Variants in VRTN observed in about 807,000 individuals in gnomAD.
VRTN encodes vertebrae development associated, also known as vertnin.
Under a neutral mutation model 18.2 loss-of-function variants are expected in VRTN, and 5 were observed. That is an observed-to-expected ratio of 0.27 (90% CI 0.14 to 0.58). The LOEUF (loss-of-function observed/expected upper bound fraction) is 0.58. VRTN is among the 20% of genes least tolerant of loss of function. The pLI is 0.91. For synonymous variants in VRTN, 381 were observed against 393.7 expected (o/e 0.97, Z 0.38); for missense variants, 741 against 939.4 (o/e 0.79, Z 2.76).
chr14:74,357,423 G>C lies in VRTN; in HGVS notation c.640G>C (p.Val214Leu). ...CATCCGGCCCCGCCGCTGCGACCACGTGCCCTCCACGCTGCACATCATGTG... is the reference window on the plus strand; with the variant it reads ...CATCCGGCCCCGCCGCTGCGACCACCTGCCCTCCACGCTGCACATCATGTG... ...RVIRPRRCDH[V>L]PSTLHIMWAG... Residue 214 changes from valine to leucine, a missense_variant, in exon 2 of 2, where the codon GTG (valine) becomes CTG (leucine). Physicochemically the swap from Val to Leu is conservative, Grantham distance 32 (BLOSUM62 1). This residue lies in a region of VRTN where 494 missense variants were observed against 546.5 expected (regional missense o/e 0.90). Coordinates refer to ENST00000256362, the MANE Select transcript of VRTN (RefSeq NM_018228.3). The surrounding 1 kb of genome is among the most constrained non-coding windows in gnomAD (Gnocchi z 7.8). 6.2e-7 allele frequency: 1 copy of C among 1,612,496 alleles called. No individual in the cohort carries two copies. Among genetic ancestry groups the C allele is most frequent in the Non-Finnish European group, 8.5e-7 (1 of 1,180,002 alleles).
At chr14:74,345,476 C>T (rs928692645), upstream of VRTN, among the ~76,000 whole-genome samples, 5 of 150,590 alleles carry the variant, frequency 3.3e-5, no homozygotes, top group South Asian at 2.1e-4. Flanking sequence ...CTCAGCCTCC[C>T]GAGTAGCTGG....
intron 1 of VRTN, among the ~76,000 whole-genome samples, chr14:74,354,754 G>A (rs1163659672): frequency 6.6e-6 from 1 of 151,998 alleles, no homozygotes; most frequent in Admixed American, 6.6e-5. Context: ...GCATGACTTT[G>A]TAACAGCACC....
chr14:74,317,338 C>G (rs1190782377), intron 1 of VRTN, among the ~76,000 whole-genome samples: 2 of 152,162 alleles, frequency 1.3e-5, no homozygotes, highest in African/African-American at 4.8e-5. Context: ...TCTAGCTTAT[C>G]TTACATACTT....
At chr14:74,321,658 C>A (rs952048853) in intron 1 of VRTN, among the ~76,000 whole-genome samples, 6 of 151,722 alleles carry the variant, frequency 4.0e-5, no homozygotes, top group Admixed American at 1.3e-4. Flanking sequence ...GCATGCGCCA[C>A]CATGCCCGCT....
upstream of VRTN, chr14:74,303,025 A>G (rs531635542): frequency 1.7e-6 from 2 of 1,164,184 alleles, no homozygotes; most frequent in African/African-American, 3.2e-5. Flanking sequence ...ATAGAGAGGA[A>G]GGTGCGGGAG....
chr14:74,310,865 A>AT (rs2085384093), intron 1 of VRTN, among the ~76,000 whole-genome samples: 1 of 151,492 alleles, frequency 6.6e-6, no homozygotes, highest in African/African-American at 2.4e-5. Flanking sequence ...TTTAAAAAAA[A>AT]TTTGGGGGGG....
intron 2 of VRTN, among the ~76,000 whole-genome samples, chr14:74,339,561 C>T (rs996109982): frequency 1.3e-5 from 2 of 152,140 alleles, no homozygotes. Context: ...TCTGTAATCT[C>T]AACACTTCAG....
In VRTN at chr14:74,340,229, C is replaced by T. The variant is rs573320450; in HGVS notation, c.-2+2345C>T. Among the ~76,000 whole-genome samples the T allele has an allele frequency of 2.4e-3, 367 of 151,604 alleles. 5 individuals carry two copies. The highest frequency in any genetic ancestry group is 8.5e-3 in the African/African-American group (353 of 41,322). On this transcript the variant is annotated intron_variant, in intron 2 of 2. Coordinates refer to the VRTN transcript ENST00000557177. ...CCAGGTTCAAGCGATTCTCCTACTT[C>T]AGCCTCCCTAGTAGCTGGGATTATA...
rs977405264 is a variant in VRTN at position 74,359,887 on chromosome 14, C to T, written c.*995C>T. 1 of 167,066 alleles carries T rather than the reference C, an allele frequency of 6.0e-6. No homozygotes were observed. Among genetic ancestry groups the T allele is most frequent in the Non-Finnish European group, 1.5e-5 (1 of 68,132 alleles). The allele number at this position is 167,066 out of a possible 1,614,324, so 10.3% of individuals were successfully genotyped here. A position where few individuals can be genotyped will look rare whatever the true frequency, so the allele number is the denominator to read the frequency against. ...TCCACCTTTCTGCTGAGCGTCTTCTCGGAGCTGGAGGCCCATCTTCAGTGA... is the reference window on the plus strand; with the variant it reads ...TCCACCTTTCTGCTGAGCGTCTTCTTGGAGCTGGAGGCCCATCTTCAGTGA... On this transcript the variant is annotated 3_prime_UTR_variant, in exon 2 of 2. Transcript: ENST00000256362.
intron 1 of VRTN, among the ~76,000 whole-genome samples, chr14:74,327,637 C>T (rs1367894556): frequency 6.6e-6 from 1 of 152,320 alleles, no homozygotes; most frequent in East Asian, 1.9e-4. Flanking sequence ...GCGATTCCTC[C>T]TTCCTCTCTT....
At chr14:74,341,145 G>A (rs1185028904) in intron 2 of VRTN, among the ~76,000 whole-genome samples, 1 of 152,202 alleles carries the variant, frequency 6.6e-6, no homozygotes, top group Non-Finnish European at 1.5e-5. Flanking sequence ...GTAGGGAAGA[G>A]AATAACTGAA....
At chr14:74,344,743 A>AAAAAAAAAAAAAAAAG (rs1425106645), upstream of VRTN, among the ~76,000 whole-genome samples, 15 of 146,512 alleles carry the variant, frequency 1.0e-4, no homozygotes, top group African/African-American at 4.1e-4. Flanking sequence ...TAAAAAAAAA[A>AAAAAAAAAAAAAAAAG]AAAATGAAAA....
At position 74,343,373 on chromosome 14, in the gene VRTN, G is replaced by A. The variant is rs375608090; in HGVS notation, c.-2+5489G>A. 1.4e-3 allele frequency among the ~76,000 whole-genome samples: 219 copies of A among 152,190 alleles called. 8 individuals carry two copies. The South Asian group carries it at 0.044, about 30-fold the overall frequency. On this transcript the variant is annotated intron_variant, in intron 2 of 2. Transcript: ENST00000557177. ...AACTCCTGACCTTGGTGATCCATCC[G>A]CCTCAGCCTCCCAAAGGGCTGGGAT...
rs760770517 is a variant in VRTN at position 74,356,774 on chromosome 14, C to G, written c.-1-9C>G. The G allele has an allele frequency of 1.9e-6, 3 of 1,575,184 alleles. No individual in the cohort carries two copies. The East Asian group carries it at 6.7e-5, about 35-fold the overall frequency. ...CTGACTACTGCCCCTTTATCTTTTG[C>G]CCTGGCAGGATGACTTCTCGGAACC... On this transcript the variant is annotated splice_polypyrimidine_tract_variant and intron_variant, in intron 1 of 1. Transcript: ENST00000256362.
chr14:74,307,330 A>T (rs1426521699), intron 1 of VRTN, among the ~76,000 whole-genome samples: 1 of 151,808 alleles, frequency 6.6e-6, no homozygotes, highest in Non-Finnish European at 1.5e-5. Context: ...GAGTTTCACC[A>T]TGTTGGCTAG....
rs765776854 is a variant in VRTN, at chr14:74,357,859, C to T, written c.1076C>T (p.Thr359Ile). 11 of 1,613,496 alleles carry T rather than the reference C, an allele frequency of 6.8e-6. No individual in the cohort carries two copies. In the South Asian group the frequency reaches 1.2e-4, roughly 18 times the overall value. Residue 359 changes from threonine (T) to isoleucine (I), a missense_variant, in exon 2 of 2, where the codon ACC (threonine) becomes ATC (isoleucine). This residue lies in a region of VRTN where 494 missense variants were observed against 546.5 expected (regional missense o/e 0.90). Coordinates refer to ENST00000256362, the MANE Select transcript of VRTN (RefSeq NM_018228.3). This position sits in a 1 kb window ranked among gnomAD's most constrained non-coding sequence, Gnocchi z 7.8. ...AAGCATGAGCTGCTGGGCTCTGGCA[C>T]CTGCCCGGCCTTGCCCCCCAGGGAG... ...AWKHELLGSGTCPALPPREVL... is the reference protein window; with the variant it reads ...AWKHELLGSGICPALPPREVL...
Position 74,358,802 on chromosome 14 carries a change from G to A in VRTN, c.2019G>A (p.Glu673=). 9.9e-6 allele frequency: 16 copies of A among 1,614,224 alleles called. No individual in the cohort carries two copies. Among genetic ancestry groups the A allele is most frequent in the Non-Finnish European group, 1.4e-5 (16 of 1,180,026 alleles). ...CCAAGAGCTTTCCCTCCTACAAGGA[G>A]TTCAGTGCCCTCTTTCCCCTCACTG... ...FQSKSFPSYK[E]FSALFPLTAR... is the part of the protein sequence containing the mutation. Residue 673 remains glutamate (E), a synonymous_variant, in exon 2 of 2, where the codon GAG becomes GAA. Coordinates refer to ENST00000256362, the MANE Select transcript of VRTN (RefSeq NM_018228.3). The surrounding 1 kb of genome is among the most constrained non-coding windows in gnomAD (Gnocchi z 5.4).
chr14:74,318,759 G>T (rs2085434518), intron 1 of VRTN, among the ~76,000 whole-genome samples: 1 of 146,188 alleles, frequency 6.8e-6, no homozygotes, highest in Non-Finnish European at 1.5e-5. Flanking sequence ...TGTTGCTCAG[G>T]GTGGAGTGCA....
intron 2 of VRTN, among the ~76,000 whole-genome samples, chr14:74,342,701 G>C (rs1181680392): frequency 6.6e-6 from 1 of 151,854 alleles, no homozygotes; most frequent in Non-Finnish European, 1.5e-5. Context: ...GCAGTGGTGT[G>C]ATCACAGCTC....
Sources: allele counts gnomAD v4.1 joint callset (sites outside exome capture counted in the v4.1 genomes callset), GRCh38; gene constraint gnomAD v4.1.1; regional missense constraint gnomAD v4.1.1; non-coding constraint Gnocchi (gnomAD v3.1); transcripts MANE v1.5; gene names NCBI Gene and HGNC (gene_info 2026-07-23, HGNC 2026-07-21).